The following NRIP1 variants were observed in gnomAD, a reference collection of about 807,000 sequenced individuals.
NRIP1 encodes the protein nuclear receptor-interacting protein 1.
NRIP1 carries 28 observed loss-of-function variants against 75.0 expected under a neutral mutation model. The observed-to-expected ratio is 0.37, with a 90% CI of 0.28 to 0.51. The LOEUF (loss-of-function observed/expected upper bound fraction) is 0.51, where lower values mean the gene tolerates loss of function less well. NRIP1 is among the 20% of genes least tolerant of loss of function. The pLI is 0.92. For missense variants in NRIP1, 1,435 were observed against 1,343.7 expected, an observed-to-expected ratio of 1.07 and a Z score of -1.06; for synonymous variants, 526 against 487.6, an observed-to-expected ratio of 1.08 and a Z score of -1.04.
intron 1 of NRIP1, among the ~76,000 whole-genome samples, chr21:15,057,787 A>G (rs753482995): frequency 6.6e-6 from 1 of 152,188 alleles, no homozygotes; most frequent in Non-Finnish European, 1.5e-5. Context: ...CCTTATCTCT[A>G]AACTAGAGAA....
At chr21:15,030,357 G>A (rs1600895772) in intron 2 of NRIP1, among the ~76,000 whole-genome samples, 1 of 152,092 alleles carries the variant, frequency 6.6e-6, no homozygotes, top group Non-Finnish European at 1.5e-5. Context: ...AAGTTTTTAC[G>A]AATATTCACA....
chr21:14,970,430 C>T (rs181691153), intron 3 of NRIP1, among the ~76,000 whole-genome samples: 7 of 152,250 alleles, frequency 4.6e-5, no homozygotes, highest in Non-Finnish European at 1.5e-5. Context: ...CCTGTAGTCC[C>T]AGCTACTCAG....
chr21:15,032,145 G>A (rs1384971430), intron 2 of NRIP1, among the ~76,000 whole-genome samples: 1 of 152,178 alleles, frequency 6.6e-6, no homozygotes, highest in Non-Finnish European at 1.5e-5. Context: ...GACCCAAAGG[G>A]GTAATTTTGA....
chr21:15,031,624 T>C (rs2088695319), intron 2 of NRIP1, among the ~76,000 whole-genome samples: 3 of 108,032 alleles, frequency 2.8e-5, no homozygotes, highest in Admixed American at 1.7e-4. Context: ...TCTATGTGTA[T>C]ACACTCTGGA....
chr21:15,049,716 C>G (rs2089162388), intron 1 of NRIP1, among the ~76,000 whole-genome samples: 1 of 152,010 alleles, frequency 6.6e-6, no homozygotes, highest in Non-Finnish European at 1.5e-5. Flanking sequence ...TATCCAAGCA[C>G]TTTTACACTA....
intron 3 of NRIP1, among the ~76,000 whole-genome samples, chr21:15,003,282 T>A (rs2087889686): frequency 6.6e-6 from 1 of 152,134 alleles, no homozygotes; most frequent in Non-Finnish European, 1.5e-5. Flanking sequence ...TCAAAATAAC[T>A]GAAGAAACTT....
chr21:15,060,565 A>G (rs1221329663), intron 1 of NRIP1, among the ~76,000 whole-genome samples: 2 of 152,158 alleles, frequency 1.3e-5, no homozygotes, highest in African/African-American at 4.8e-5. Flanking sequence ...CAGATCTTAA[A>G]AGATTAAAGA....
chr21:15,041,889 T>G (rs1409240363), intron 2 of NRIP1, among the ~76,000 whole-genome samples: 2 of 152,176 alleles, frequency 1.3e-5, no homozygotes, highest in African/African-American at 4.8e-5. Context: ...TTTAATTTTT[T>G]GGGTTCATTT....
At position 14,965,226 on chromosome 21, in the gene NRIP1, A is replaced by C. The variant is rs2086697965; in HGVS notation, c.2967T>G (p.Thr989=). The C allele has an allele frequency of 6.2e-7, 1 of 1,613,842 alleles. No individual in the cohort carries two copies. Among genetic ancestry groups the C allele is most frequent in the Non-Finnish European group, 8.5e-7 (1 of 1,179,942 alleles). The change falls in exon 4 of 4, where the codon ACT becomes ACG. Residue 989 remains threonine (T), a synonymous_variant. Transcript: ENST00000318948. The part of the protein sequence containing the change: ...SSLNGLMYSS[T]QPSSCMDNRT... ...TGTTATCCATGCAACTGCTGGGCTG[A>C]GTGGAACTGTACATCAGTCCATTTA...
At chr21:15,029,262 C>A (rs1469795998) in intron 2 of NRIP1, among the ~76,000 whole-genome samples, 1 of 152,166 alleles carries the variant, frequency 6.6e-6, no homozygotes, top group Non-Finnish European at 1.5e-5. Context: ...GGGGCTTCCC[C>A]CTCTGACCTC....
chr21:14,994,591 T>C (rs966728113), intron 3 of NRIP1, among the ~76,000 whole-genome samples: 1 of 152,178 alleles, frequency 6.6e-6, no homozygotes, highest in African/African-American at 2.4e-5. Flanking sequence ...GAAATTTTCA[T>C]TGGAATTTCA....
intron 2 of NRIP1, among the ~76,000 whole-genome samples, chr21:15,024,233 C>T (rs755258625): frequency 6.6e-6 from 1 of 152,148 alleles, no homozygotes; most frequent in Non-Finnish European, 1.5e-5. Flanking sequence ...ATGAACAACA[C>T]CATAAAATAC....
chr21:14,996,776 C>A (rs1311044428), intron 3 of NRIP1, among the ~76,000 whole-genome samples: 1 of 151,998 alleles, frequency 6.6e-6, no homozygotes, highest in Non-Finnish European at 1.5e-5. Flanking sequence ...TGCTCCCTGG[C>A]CACTTCTAAC....
At chr21:14,987,118 G>A (rs1406640853) in intron 3 of NRIP1, among the ~76,000 whole-genome samples, 1 of 152,142 alleles carries the variant, frequency 6.6e-6, no homozygotes, top group Non-Finnish European at 1.5e-5. Flanking sequence ...GTCTTTTGGA[G>A]ACGGATGGCT....
rs1317956090 is a variant in NRIP1 at position 14,964,451 on chromosome 21, T to C, written c.*265A>G. On this transcript the variant is annotated 3_prime_UTR_variant, in exon 4 of 4. Transcript: ENST00000318948. Reference sequence around the variant, plus strand: ...TATGCCTAATATTTATAAAAGAATTTCATTCATAGGCTACTCACAGTTGTT... The same window carrying C: ...TATGCCTAATATTTATAAAAGAATTCCATTCATAGGCTACTCACAGTTGTT... 3.4e-6 allele frequency: 1 copy of C among 297,836 alleles called. No individual in the cohort carries two copies. The highest frequency in any genetic ancestry group is 2.2e-5 in the African/African-American group (1 of 46,146). The allele number at this position is 297,836 out of a possible 1,614,324, so 18.4% of individuals were successfully genotyped here.
At chr21:15,015,602 A>G (rs753922342) in intron 2 of NRIP1, among the ~76,000 whole-genome samples, 2 of 152,142 alleles carry the variant, frequency 1.3e-5, no homozygotes, top group Non-Finnish European at 2.9e-5. Context: ...AAAAAATTAG[A>G]AATAGTTAAA....
intron 3 of NRIP1, among the ~76,000 whole-genome samples, chr21:14,974,550 C>T (rs1274593896): frequency 6.6e-6 from 1 of 152,132 alleles, no homozygotes; most frequent in Admixed American, 6.5e-5. Context: ...TATCAAACAC[C>T]TGCCTTAAGT....
rs76020973 is a variant in NRIP1 at position 15,025,805 on chromosome 21, A to G, written c.-457-11339T>C. Among the ~76,000 whole-genome samples, 2,274 of 152,300 alleles carry G rather than the reference A, an allele frequency of 0.015. 196 individuals carry two copies. In the East Asian group the frequency reaches 0.25, roughly 17 times the overall value. On this transcript the variant is annotated intron_variant, in intron 2 of 3. Transcript: ENST00000318948. ...AGAAGACAACCCTAAAGGAAAAGAT[A>G]TTCTACATAATTACGGGCCGACATG... is the stretch of plus-strand genomic sequence containing the variant.
chr21:15,016,802 G>C (rs999917484), intron 2 of NRIP1, among the ~76,000 whole-genome samples: 7 of 151,792 alleles, frequency 4.6e-5, no homozygotes, highest in Non-Finnish European at 7.4e-5. Flanking sequence ...GGAGAATGGT[G>C]TGAACCTGGG....
Sources: allele counts gnomAD v4.1 joint callset (sites outside exome capture counted in the v4.1 genomes callset), GRCh38; gene constraint gnomAD v4.1.1; transcripts MANE v1.5; gene names NCBI Gene and HGNC (gene_info 2026-07-23, HGNC 2026-07-21).